The following CACNG2 variants were observed in gnomAD, a reference collection of about 807,000 sequenced individuals.
CACNG2 encodes calcium voltage-gated channel auxiliary subunit gamma 2.
Under a neutral mutation model 25.9 loss-of-function variants are expected in CACNG2, and 3 were observed. That is an observed-to-expected ratio of 0.12 (90% CI 0.05 to 0.30). The LOEUF (loss-of-function observed/expected upper bound fraction) is 0.30. Ranked by LOEUF, CACNG2 falls within the 10% of genes least tolerant of loss-of-function variation. The pLI is 1.00. For synonymous variants in CACNG2, 167 were observed against 173.3 expected (o/e 0.96, Z 0.29); for missense variants, 341 against 432.5 (o/e 0.79, Z 1.88).
intron 1 of CACNG2, among the ~76,000 whole-genome samples, chr22:36,632,999 C>T (rs1452987665): frequency 2.6e-5 from 4 of 152,124 alleles, no homozygotes; most frequent in East Asian, 1.9e-4. Flanking sequence ...TTCTGGAAGA[C>T]GCCAGCATAT....
intron 1 of CACNG2, among the ~76,000 whole-genome samples, chr22:36,633,139 A>G (rs1428735587): frequency 6.6e-6 from 1 of 152,202 alleles, no homozygotes; most frequent in Non-Finnish European, 1.5e-5. Flanking sequence ...ACTTCCTATC[A>G]GATCATTCTG....
intron 1 of CACNG2, among the ~76,000 whole-genome samples, chr22:36,678,920 G>A (rs997754014): frequency 3.3e-5 from 5 of 152,108 alleles, no homozygotes; most frequent in African/African-American, 9.7e-5. Context: ...AAGGACACGT[G>A]GTTTGTGTCA....
At chr22:36,694,000 C>T (rs1937299844) in intron 1 of CACNG2, among the ~76,000 whole-genome samples, 2 of 152,318 alleles carry the variant, frequency 1.3e-5, no homozygotes, top group South Asian at 4.1e-4. Context: ...TACTCGGGAA[C>T]AGTTGTTGGA....
chr22:36,578,933 G>A (rs920986084), intron 2 of CACNG2, among the ~76,000 whole-genome samples: 9 of 152,110 alleles, frequency 5.9e-5, no homozygotes, highest in Non-Finnish European at 1.0e-4. Flanking sequence ...AGAAGATTCC[G>A]TAACAGAAAC....
chr22:36,564,942 A>T lies in CACNG2; in HGVS notation c.437-56T>A. 1 of 1,539,698 alleles carries T rather than the reference A, an allele frequency of 6.5e-7. No homozygotes were observed. Among genetic ancestry groups the T allele is most frequent in the South Asian group, 1.1e-5 (1 of 89,810 alleles). ...TCAGAGAGAAGGACGTTAGTTTCTC[A>T]GGAAGTCGGCCACAGGGCAGCCGTA... On this transcript the variant is annotated intron_variant, in intron 3 of 3. Transcript: ENST00000300105. The surrounding 1 kb of genome is among the most constrained non-coding windows in gnomAD (Gnocchi z 6.7).
intron 2 of CACNG2, among the ~76,000 whole-genome samples, chr22:36,568,792 G>A (rs1935174027): frequency 6.6e-6 from 1 of 151,910 alleles, no homozygotes; most frequent in Admixed American, 6.6e-5. Flanking sequence ...ACAAATGGGT[G>A]AGTGGGTTAT....
At chr22:36,697,780 T>A (rs944549957) in intron 1 of CACNG2, among the ~76,000 whole-genome samples, 6 of 152,216 alleles carry the variant, frequency 3.9e-5, no homozygotes, top group African/African-American at 1.4e-4. Flanking sequence ...AAGGTTCTGC[T>A]GGAGCTAAAC....
chr22:36,564,277 T>G lies in CACNG2; in HGVS notation c.*74A>C. ...TTGGAAGGTCTCCCAGCGGAGGGTC[T>G]GGGTCTCCCCGCCCCGCCCCGCCCC... On this transcript the variant is annotated 3_prime_UTR_variant, in exon 4 of 4. Transcript: ENST00000300105. The surrounding 1 kb of genome is among the most constrained non-coding windows in gnomAD (Gnocchi z 6.7). 5.0e-6 allele frequency: 7 copies of G among 1,413,992 alleles called. No individual in the cohort carries two copies. The highest frequency in any genetic ancestry group is 6.8e-6 in the Non-Finnish European group (7 of 1,034,410). 87.6% of individuals were successfully genotyped at this position (1,413,992 alleles called of 1,614,324 possible).
intron 1 of CACNG2, among the ~76,000 whole-genome samples, chr22:36,649,279 C>G (rs1175182180): frequency 6.6e-6 from 1 of 152,170 alleles, no homozygotes; most frequent in Non-Finnish European, 1.5e-5. Context: ...CCAGCAAATC[C>G]TGACAGCTCT....
chr22:36,613,702 C>G (rs1001628519), intron 1 of CACNG2, among the ~76,000 whole-genome samples: 3 of 151,982 alleles, frequency 2.0e-5, no homozygotes, highest in Non-Finnish European at 2.9e-5. Flanking sequence ...TTATATACAA[C>G]CCAGTCCTGT....
At chr22:36,633,019 A>G (rs1936299563) in intron 1 of CACNG2, among the ~76,000 whole-genome samples, 1 of 152,038 alleles carries the variant, frequency 6.6e-6, no homozygotes, top group East Asian at 1.9e-4. Flanking sequence ...TTCTCCCTTC[A>G]AGCCTCTTTG....
chr22:36,585,761 G>A (rs572600534), intron 2 of CACNG2, among the ~76,000 whole-genome samples: 9 of 152,304 alleles, frequency 5.9e-5, no homozygotes, highest in Admixed American at 1.3e-4. Flanking sequence ...GAATCCTGTC[G>A]TTGCCAATCT....
intron 1 of CACNG2, among the ~76,000 whole-genome samples, chr22:36,612,119 G>T (rs2145942231): frequency 6.6e-6 from 1 of 152,308 alleles, no homozygotes; most frequent in East Asian, 1.9e-4. Context: ...AGAATGTAAT[G>T]CATAAGAGTA....
At chr22:36,658,751 C>G (rs1465703443) in intron 1 of CACNG2, among the ~76,000 whole-genome samples, 1 of 152,306 alleles carries the variant, frequency 6.6e-6, no homozygotes, top group Middle Eastern at 3.4e-3. Context: ...AAGTAACAAA[C>G]CATAATGTAA....
intron 2 of CACNG2, among the ~76,000 whole-genome samples, chr22:36,579,649 A>C (rs2043237556): frequency 6.6e-6 from 1 of 152,018 alleles, no homozygotes; most frequent in South Asian, 2.1e-4. Flanking sequence ...ATCTCAGAGG[A>C]AAGCAGAGGC....
intron 1 of CACNG2, among the ~76,000 whole-genome samples, chr22:36,641,632 G>C (rs1936443858): frequency 6.6e-6 from 1 of 152,244 alleles, no homozygotes; most frequent in South Asian, 2.1e-4. Flanking sequence ...TCTCTGGCCA[G>C]CTCTGTTTAG....
intron 1 of CACNG2, among the ~76,000 whole-genome samples, chr22:36,665,259 G>T (rs1027639202): frequency 3.3e-5 from 5 of 152,178 alleles, no homozygotes; most frequent in African/African-American, 1.2e-4. Context: ...AAGCTGCCTG[G>T]GTTCGAAGCC....
chr22:36,617,902 C>A (rs1936046882), intron 1 of CACNG2, among the ~76,000 whole-genome samples: 1 of 152,006 alleles, frequency 6.6e-6, no homozygotes, highest in African/African-American at 2.4e-5. Flanking sequence ...TCAACCCGAA[C>A]CTTAAAAGTC....
Position 36,563,662 on chromosome 22 carries a change from G to A in CACNG2, c.*689C>T, listed in dbSNP as rs973226341. ...TACGATTGCCCCATCAATGCTGGGC[G>A]GAGCCGGCTCGAGCTCTGAGCCTTC... On this transcript the variant is annotated 3_prime_UTR_variant, in exon 4 of 4. Coordinates refer to ENST00000300105, the MANE Select transcript of CACNG2 (RefSeq NM_006078.5). Among the ~76,000 whole-genome samples the A allele has an allele frequency of 1.3e-5, 2 of 151,938 alleles. No homozygotes were observed. Among genetic ancestry groups the A allele is most frequent in the East Asian group, 3.9e-4 (2 of 5,184 alleles).
Sources: allele counts gnomAD v4.1 joint callset (sites outside exome capture counted in the v4.1 genomes callset), GRCh38; gene constraint gnomAD v4.1.1; non-coding constraint Gnocchi (gnomAD v3.1); transcripts MANE v1.5; gene names NCBI Gene and HGNC (gene_info 2026-07-23, HGNC 2026-07-21).